The following POU3F3 variants were observed in gnomAD, a reference collection of about 807,000 sequenced individuals.
POU3F3 encodes POU domain, class 3, transcription factor 3.
A neutral mutation model predicts 8.6 loss-of-function variants in POU3F3; 1 was observed. That is an observed-to-expected ratio of 0.12 (90% confidence interval 0.04 to 0.55). The LOEUF (loss-of-function observed/expected upper bound fraction) is 0.55, where lower values mean the gene tolerates loss of function less well. POU3F3 is among the 20% of genes least tolerant of loss of function. The probability of loss-of-function intolerance (pLI) is 0.91; values close to 1 mark genes in which losing one functional copy is unlikely to be tolerated. For missense variants in POU3F3, 577 were observed against 690.7 expected (o/e 0.84, Z 1.84); for synonymous variants, 418 against 327.4 (o/e 1.28, Z -2.99).
At chr2:104,882,784 C>T in the POU3F3 span, among the ~76,000 whole-genome samples, 2 of 152,120 alleles carry the variant, frequency 1.3e-5, no homozygotes, top group Non-Finnish European at 2.9e-5. Context: ...CACTCTGTTT[C>T]GAGAGTTATG....
At chr2:104,905,764 C>A in the POU3F3 span, among the ~76,000 whole-genome samples, 1 of 152,294 alleles carries the variant, frequency 6.6e-6, no homozygotes, top group African/African-American at 2.4e-5. Flanking sequence ...CTGTGAGTGC[C>A]TGTGTCCAAA....
Position 104,855,930 on chromosome 2 carries a change from G to GCCGCCA in POU3F3, c.426_431dup (p.Pro143_Pro144dup). ...GCCCCCAGCAGCCACCGCAGCCGCC[G>GCCGCCA]CCGCCACCGCCGCAGGGCCCCGACG... On this transcript the variant is annotated inframe_insertion, in exon 1 of 1. Coordinates refer to ENST00000361360, the MANE Select transcript of POU3F3 (RefSeq NM_006236.3). The GCCGCCA allele has an allele frequency of 3.8e-6, 4 of 1,060,690 alleles. No homozygotes were observed. Among genetic ancestry groups the GCCGCCA allele is most frequent in the Non-Finnish European group, 4.6e-6 (4 of 877,764 alleles). 65.7% of individuals were successfully genotyped at this position (1,060,690 alleles called of 1,614,324 possible). A position where few individuals can be genotyped will look rare whatever the true frequency, so the allele number is the denominator to read the frequency against.
chr2:104,927,746 CAAAAAAAAAA>C, the POU3F3 span, among the ~76,000 whole-genome samples: 13 of 79,452 alleles, frequency 1.6e-4, no homozygotes, highest in South Asian at 1.2e-3. Context: ...GACCTTGTCT[CAAAAAAAAAA>C]AAAAAAAAAA....
chr2:104,857,060 AGCCGCCGTCAGCACC>A lies in POU3F3; in HGVS notation c.*55_*69del, dbSNP rs1676579854. On this transcript the variant is annotated 3_prime_UTR_variant, in exon 1 of 1. Transcript: ENST00000361360. ...GGGCCGCCGCCGCCGCCGCCTCCGC[AGCCGCCGTCAGCACC>A]GCCGCCGCCCCTGCCGCCGCCGCCG... 1 of 1,345,052 alleles carries A rather than the reference AGCCGCCGTCAGCACC, an allele frequency of 7.4e-7. No homozygotes were observed. Among genetic ancestry groups the A allele is most frequent in the Non-Finnish European group, 9.6e-7 (1 of 1,040,536 alleles). 83.3% of individuals were successfully genotyped at this position (1,345,052 alleles called of 1,614,324 possible). A position where few individuals can be genotyped will look rare whatever the true frequency, so the allele number is the denominator to read the frequency against.
Position 104,855,474 on chromosome 2 carries a change from G to T in POU3F3, c.-37G>T. 1 of 952,882 alleles carries T rather than the reference G, an allele frequency of 1.0e-6. No homozygotes were observed. The highest frequency in any genetic ancestry group is 1.2e-6 in the Non-Finnish European group (1 of 803,514). The allele number at this position is 952,882 out of a possible 1,614,324, so 59.0% of individuals were successfully genotyped here. On this transcript the variant is annotated 5_prime_UTR_variant, in exon 1 of 1. Transcript: ENST00000361360. Reference sequence around the variant, plus strand: ...CGGCTGCTGCTGCGGCGGCGGCGGCGGTGGTGGCGGCGGTGGGGTGGCGGG... The same window carrying T: ...CGGCTGCTGCTGCGGCGGCGGCGGCTGTGGTGGCGGCGGTGGGGTGGCGGG...
chr2:104,882,499 G>A, the POU3F3 span, among the ~76,000 whole-genome samples: 3 of 152,124 alleles, frequency 2.0e-5, no homozygotes, highest in Non-Finnish European at 4.4e-5. Flanking sequence ...TGATCCACCC[G>A]CCTCGGCTTC....
At chr2:104,890,168 G>A in the POU3F3 span, among the ~76,000 whole-genome samples, 2 of 152,170 alleles carry the variant, frequency 1.3e-5, no homozygotes, top group Admixed American at 6.5e-5. Context: ...GGAGGACAGG[G>A]TGGAGCCACG....
At chr2:104,918,512 C>T in the POU3F3 span, among the ~76,000 whole-genome samples, 11 of 152,110 alleles carry the variant, frequency 7.2e-5, no homozygotes, top group East Asian at 1.7e-3. Flanking sequence ...GACTGGTGTC[C>T]TTATAACATG....
At chr2:104,866,637 C>G in the POU3F3 span, 1 of 152,212 alleles carries the variant, frequency 6.6e-6, no homozygotes, top group African/African-American at 2.4e-5. Flanking sequence ...GAGAAGTGCA[C>G]TCACTTGATT....
chr2:104,869,856 T>C, the POU3F3 span: 3 of 152,178 alleles, frequency 2.0e-5, no homozygotes, highest in African/African-American at 4.8e-5. Flanking sequence ...TGGCAGCCTC[T>C]TGCCCCCTCC....
chr2:104,925,066 G>A, the POU3F3 span, among the ~76,000 whole-genome samples: 2 of 152,174 alleles, frequency 1.3e-5, no homozygotes, highest in Non-Finnish European at 1.5e-5. Context: ...CCTTTAATGA[G>A]AAATTAATCC....
the POU3F3 span, among the ~76,000 whole-genome samples, chr2:104,905,070 G>A: frequency 6.6e-6 from 1 of 152,152 alleles, no homozygotes; most frequent in Non-Finnish European, 1.5e-5. Flanking sequence ...GTCCAACTGG[G>A]ATGAGCACGG....
At chr2:104,859,421 G>A (rs751724583), downstream of POU3F3, among the ~76,000 whole-genome samples, 7 of 152,288 alleles carry the variant, frequency 4.6e-5, no homozygotes, top group Non-Finnish European at 1.0e-4. Flanking sequence ...AGACGCTAAA[G>A]GCTCGGCTTA....
the POU3F3 span, among the ~76,000 whole-genome samples, chr2:104,909,335 CTGGA>C: frequency 6.6e-6 from 1 of 152,150 alleles, no homozygotes; most frequent in Non-Finnish European, 1.5e-5. Flanking sequence ...TCCCAAGAAT[CTGGA>C]TGGGAAGCCA....
chr2:104,862,992 A>G (rs1676683906), downstream of POU3F3, among the ~76,000 whole-genome samples: 1 of 151,782 alleles, frequency 6.6e-6, no homozygotes, highest in Non-Finnish European at 1.5e-5. Flanking sequence ...CAAGAGCAAT[A>G]GTAAATTCTT....
At chr2:104,876,686 G>A in the POU3F3 span, among the ~76,000 whole-genome samples, 1 of 152,188 alleles carries the variant, frequency 6.6e-6, no homozygotes, top group Non-Finnish European at 1.5e-5. Context: ...CTGTGGAGAC[G>A]GGGTCGTGGC....
At chr2:104,921,120 T>C in the POU3F3 span, among the ~76,000 whole-genome samples, 1 of 152,116 alleles carries the variant, frequency 6.6e-6, no homozygotes, top group Non-Finnish European at 1.5e-5. Flanking sequence ...AGAGGTCTAG[T>C]ACTAAGAGAA....
chr2:104,916,540 T>C, the POU3F3 span, among the ~76,000 whole-genome samples: 1 of 152,160 alleles, frequency 6.6e-6, no homozygotes, highest in Non-Finnish European at 1.5e-5. Context: ...CTCACCTCTG[T>C]GGGCCTCTTT....
rs752143982 is a variant in POU3F3 at position 104,855,612 on chromosome 2, TGGCGGCGGCGGCGGCGGCGGG to T, written c.110_130del (p.Gly37_Gly43del). The T allele has an allele frequency of 4.7e-6, 3 of 643,552 alleles. No individual in the cohort carries two copies. The highest frequency in any genetic ancestry group is 5.5e-5 in the African/African-American group (1 of 18,110). 39.9% of individuals were successfully genotyped at this position (643,552 alleles called of 1,614,324 possible). ...CGGCAGGGGCTGGCGGCGGCGGGGG[TGGCGGCGGCGGCGGCGGCGGG>T]GGCGGCGCAGGGGGCGGGGGCGGCG... On this transcript the variant is annotated inframe_deletion, in exon 1 of 1. Transcript: ENST00000361360.
Sources: allele counts gnomAD v4.1 joint callset (sites outside exome capture counted in the v4.1 genomes callset), GRCh38; gene constraint gnomAD v4.1.1; transcripts MANE v1.5; gene names NCBI Gene and HGNC (gene_info 2026-07-23, HGNC 2026-07-21).